DDX10: variants seen among roughly 807,000 people sequenced by gnomAD.
The protein encoded by DDX10 is DEAD-box helicase 10, also known as probable ATP-dependent RNA helicase DDX10.
DDX10 carries 74 observed loss-of-function variants against 104.3 expected under a neutral mutation model. That is an observed-to-expected ratio of 0.71 (90% CI 0.59 to 0.86). The LOEUF is 0.86. Among genes scored for constraint, DDX10 ranks in the 40% least tolerant of loss-of-function variants. The pLI is 0.00. For synonymous variants in DDX10, 351 were observed against 353.4 expected, an observed-to-expected ratio of 0.99 and a Z score of 0.08; for missense variants, 952 against 1,040.0, an observed-to-expected ratio of 0.92 and a Z score of 1.16.
chr11:108,723,417 G>A lies in DDX10; in HGVS notation c.1920G>A (p.Arg640=), dbSNP rs375588644. The change falls in exon 13 of 18, where the codon CGG becomes CGA. Residue 640 remains arginine (R), a synonymous_variant. Coordinates refer to ENST00000322536, the MANE Select transcript of DDX10 (RefSeq NM_004398.4). ...ATGCTGATTTCTTGAAGGTGAAGCG[G>A]CATAATGTGTTTGGATTGGACCTTA... is the stretch of plus-strand genomic sequence containing the variant. ...EEDADFLKVK[R]HNVFGLDLKD... 6 of 1,613,628 alleles carry A rather than the reference G, an allele frequency of 3.7e-6. No individual in the cohort carries two copies. The highest frequency in any genetic ancestry group is 1.7e-5 in the Admixed American group (1 of 59,948).
intron 13 of DDX10, among the ~76,000 whole-genome samples, chr11:108,791,602 C>A (rs891166242): frequency 1.3e-5 from 2 of 152,046 alleles, no homozygotes; most frequent in Non-Finnish European, 2.9e-5. Context: ...CTCTTGTATA[C>A]CTTCCAATTT....
chr11:108,882,116 T>C (rs962624457), intron 16 of DDX10, among the ~76,000 whole-genome samples: 3 of 152,114 alleles, frequency 2.0e-5, no homozygotes, highest in African/African-American at 7.2e-5. Flanking sequence ...TTATGAACTG[T>C]GGGGAAAAAA....
chr11:108,849,352 A>C (rs1862762112), intron 15 of DDX10, among the ~76,000 whole-genome samples: 1 of 152,134 alleles, frequency 6.6e-6, no homozygotes, highest in East Asian at 1.9e-4. Flanking sequence ...AGAATCACGC[A>C]AAGGAATATA....
chr11:108,893,891 T>C (rs1863407293), intron 16 of DDX10, among the ~76,000 whole-genome samples: 1 of 152,110 alleles, frequency 6.6e-6, no homozygotes, highest in South Asian at 2.1e-4. Flanking sequence ...TAGTTAGTTA[T>C]GATTCCCAAG....
Position 108,913,652 on chromosome 11 carries a change from G to A in DDX10, c.2305-4221G>A, listed in dbSNP as rs143743614. Among the ~76,000 whole-genome samples the A allele has an allele frequency of 4.2e-3, 638 of 152,160 alleles. 1 individual carries two copies. Among genetic ancestry groups the A allele is most frequent in the Non-Finnish European group, 7.1e-3 (481 of 67,990 alleles). ...TTCCCTTTGGCTTAGTGACTTTGCC[G>A]TCCCTATTTTCCTTTTATGGTCCCA... On this transcript the variant is annotated intron_variant, in intron 16 of 17. Transcript: ENST00000322536.
At chr11:108,734,337 G>A (rs1249272575) in intron 13 of DDX10, among the ~76,000 whole-genome samples, 1 of 152,128 alleles carries the variant, frequency 6.6e-6, no homozygotes, top group Admixed American at 6.5e-5. Flanking sequence ...ATGCTCATTT[G>A]TCTTATAGGT....
intron 13 of DDX10, among the ~76,000 whole-genome samples, chr11:108,741,919 A>G (rs1394058944): frequency 1.3e-5 from 2 of 152,186 alleles, no homozygotes; most frequent in African/African-American, 2.4e-5. Flanking sequence ...GAAGAAGAAG[A>G]CAAAAAGTAA....
At chr11:108,865,695 A>G (rs545771923) in intron 16 of DDX10, among the ~76,000 whole-genome samples, 3 of 152,120 alleles carry the variant, frequency 2.0e-5, no homozygotes, top group African/African-American at 7.2e-5. Context: ...CGAGATTTTG[A>G]GGGGGAATGA....
intron 2 of DDX10, 80 bp downstream of exon 2, chr11:108,673,607 G>A: frequency 1.8e-6 from 2 of 1,102,548 alleles, no homozygotes; most frequent in South Asian, 1.4e-5. Context: ...AGAGGGTTTA[G>A]CCTGAAAAAT....
At chr11:108,896,943 A>G (rs556636225) in intron 16 of DDX10, among the ~76,000 whole-genome samples, 2 of 152,158 alleles carry the variant, frequency 1.3e-5, no homozygotes, top group Admixed American at 1.3e-4. Context: ...TAAGAAAAAA[A>G]TGATAATCCA....
intron 13 of DDX10, among the ~76,000 whole-genome samples, chr11:108,773,196 C>T (rs34043774): frequency 0.027 from 4,184 of 152,220 alleles, 100 homozygotes; most frequent in Non-Finnish European, 0.042. Context: ...TATGAACTTA[C>T]GATACTGGCA....
At chr11:108,854,652 T>C (rs1322618009) in intron 16 of DDX10, among the ~76,000 whole-genome samples, 1 of 152,246 alleles carries the variant, frequency 6.6e-6, no homozygotes, top group Non-Finnish European at 1.5e-5. Context: ...CTCACGTAGC[T>C]GTCTTTCTAC....
intron 16 of DDX10, among the ~76,000 whole-genome samples, chr11:108,864,019 G>A (rs138598990): frequency 6.6e-6 from 1 of 152,258 alleles, no homozygotes; most frequent in Non-Finnish European, 1.5e-5. Flanking sequence ...TGTTTCCTCC[G>A]AGCCTCAGTT....
chr11:108,803,827 G>A (rs184718052), intron 13 of DDX10, among the ~76,000 whole-genome samples: 73 of 152,250 alleles, frequency 4.8e-4, no homozygotes, highest in African/African-American at 1.4e-3. Context: ...ATCTGAAAAA[G>A]CAAATGCTCA....
chr11:108,691,902 C>A lies in DDX10; in HGVS notation c.1002C>A (p.Cys334Ter), dbSNP rs771431694. Residue 334 changes from cysteine to a stop codon, truncating the protein, a stop_gained, in exon 8 of 18, where the codon TGC becomes TGA. Transcript: ENST00000322536. LOFTEE classifies it high-confidence loss of function. ...TCCAGTATCTGTACCGAGTGTTTTG[C>A]CGGCTACGTCCTGGTGTTTCTATCC... is the stretch of plus-strand genomic sequence containing the variant. ...KEVQYLYRVFCRLRPGVSILA... is the reference protein window; with the variant it reads ...KEVQYLYRVF 6.2e-7 allele frequency: 1 copy of A among 1,613,912 alleles called. No homozygotes were observed. The highest frequency in any genetic ancestry group is 1.7e-5 in the Admixed American group (1 of 59,982).
chr11:108,732,801 A>G (rs953765180), intron 13 of DDX10, among the ~76,000 whole-genome samples: 4 of 152,230 alleles, frequency 2.6e-5, no homozygotes, highest in African/African-American at 9.6e-5. Flanking sequence ...GTTGACCTCC[A>G]GGGAGACAGT....
intron 16 of DDX10, among the ~76,000 whole-genome samples, chr11:108,889,413 G>A (rs1390915065): frequency 6.6e-6 from 1 of 151,928 alleles, no homozygotes; most frequent in East Asian, 1.9e-4. Context: ...TTTTTTTGTT[G>A]ATATTTAAGG....
chr11:108,828,883 C>T (rs1040617965), intron 13 of DDX10, among the ~76,000 whole-genome samples: 1 of 152,166 alleles, frequency 6.6e-6, no homozygotes, highest in African/African-American at 2.4e-5. Context: ...CTTGGCCTCC[C>T]AAAGTGCTGG....
intron 12 of DDX10, 22 bp downstream of exon 12, chr11:108,719,907 G>GT: frequency 7.6e-7 from 1 of 1,309,096 alleles, no homozygotes. Flanking sequence ...TAATATAGTT[G>GT]TAATAGTGAA....
Sources: gnomAD v4.1 joint callset for allele counts (sites outside exome capture counted in the v4.1 genomes callset) on GRCh38, gnomAD v4.1.1 for gene constraint, MANE v1.5 for transcripts, NCBI Gene and HGNC (gene_info 2026-07-23, HGNC 2026-07-21) for gene names.